The following TRAPPC10 variants were observed in gnomAD, a reference collection of about 807,000 sequenced individuals.
TRAPPC10 encodes TRAPP 130 kDa subunit.
Under a neutral mutation model 125.5 loss-of-function variants are expected in TRAPPC10, and 23 were observed. The observed-to-expected ratio is 0.18, with a 90% confidence interval of 0.13 to 0.26. The LOEUF is 0.26. Ranked by LOEUF, TRAPPC10 falls within the 10% of genes least tolerant of loss-of-function variation. The pLI, the probability that TRAPPC10 is intolerant of heterozygous loss-of-function variation, is 1.00. For missense variants in TRAPPC10, 1,123 were observed against 1,308.4 expected (o/e 0.86, Z 2.19); for synonymous variants, 509 against 518.0 (o/e 0.98, Z 0.24).
At chr21:44,095,004 A>G (rs907705510) in intron 20 of TRAPPC10, among the ~76,000 whole-genome samples, 1 of 149,406 alleles carries the variant, frequency 6.7e-6, no homozygotes, top group Non-Finnish European at 1.5e-5. Flanking sequence ...TAAATAATTT[A>G]ATTAAATCAA....
chr21:44,076,717 T>C, intron 10 of TRAPPC10, 89 bp downstream of exon 10: 4 of 1,158,666 alleles, frequency 3.5e-6, no homozygotes, highest in Non-Finnish European at 5.0e-6. Context: ...GGGAAGGAAC[T>C]GGTGTGGGGG....
At chr21:44,066,379 C>T (rs1271579995) in intron 7 of TRAPPC10, among the ~76,000 whole-genome samples, 1 of 152,204 alleles carries the variant, frequency 6.6e-6, no homozygotes, top group Non-Finnish European at 1.5e-5. Context: ...TAGCCTTGCG[C>T]ACTCCCTTAA....
intron 13 of TRAPPC10, among the ~76,000 whole-genome samples, chr21:44,081,002 G>GTTCTTTTTTTTT (rs1448432253): frequency 1.4e-4 from 12 of 83,718 alleles, no homozygotes; most frequent in Non-Finnish European, 2.5e-4. Context: ...CAATATTATT[G>GTTCTTTTTTTTT]TTCTTTTTTT....
At chr21:44,093,059 A>G (rs992634991) in intron 19 of TRAPPC10, among the ~76,000 whole-genome samples, 4 of 152,182 alleles carry the variant, frequency 2.6e-5, no homozygotes, top group African/African-American at 9.7e-5. Flanking sequence ...GGCCTCCTAA[A>G]GTGTTGGGAT....
intron 7 of TRAPPC10, among the ~76,000 whole-genome samples, chr21:44,067,772 GC>G (rs2036560465): frequency 6.6e-6 from 1 of 152,072 alleles, no homozygotes. Context: ...ATTTGCAGGT[GC>G]CTGATAGGTG....
chr21:44,078,008 T>C (rs2037411662), intron 11 of TRAPPC10, among the ~76,000 whole-genome samples: 1 of 152,184 alleles, frequency 6.6e-6, no homozygotes, highest in Non-Finnish European at 1.5e-5. Flanking sequence ...GAGGTTCTTT[T>C]ATTTAATTAA....
chr21:44,080,071 G>A lies in TRAPPC10; in HGVS notation c.1667G>A (p.Arg556His), dbSNP rs770495289. 52 of 1,613,980 alleles carry A rather than the reference G, an allele frequency of 3.2e-5. No homozygotes were observed. Among genetic ancestry groups the A allele is most frequent in the Non-Finnish European group, 4.2e-5 (50 of 1,180,018 alleles). ...GACCACCACCTCACTGAAGAGGAGC[G>A]CAAGCACTTCTGCCAGGAGATACTT... ...ASDHHLTEEERKHFCQEILDF... is the reference protein window; with the variant it reads ...ASDHHLTEEEHKHFCQEILDF... Residue 556 changes from arginine (R) to histidine (H), a missense_variant, in exon 13 of 23, where the codon CGC (arginine) becomes CAC (histidine). Transcript: ENST00000291574.
intron 2 of TRAPPC10, among the ~76,000 whole-genome samples, chr21:44,034,332 A>ACCCCCCCCCCCCCCC (rs71197877): frequency 9.8e-6 from 1 of 101,552 alleles, no homozygotes; most frequent in Non-Finnish European, 2.1e-5. Context: ...CACTCCCCCA[A>ACCCCCCCCCCCCCCC]CCCCCCCCCC....
rs1193947857 is a variant in TRAPPC10 at position 44,032,100 on chromosome 21, A to G, written c.77A>G (p.Asp26Gly). The G allele has an allele frequency of 3.7e-6, 6 of 1,613,094 alleles. No individual in the cohort carries two copies. The highest frequency in any genetic ancestry group is 4.2e-6 in the Non-Finnish European group (5 of 1,179,624). The change falls in exon 2 of 23, where the codon GAT becomes GGT. Residue 26 changes from aspartate to glycine, a missense_variant. Coordinates refer to ENST00000291574, the MANE Select transcript of TRAPPC10 (RefSeq NM_003274.5). The part of the protein sequence containing the change: ...ENKPIVTCAG[D>G]QNLFTSVYPT... ...TTTCTTCCCTTCATAGGTGCTGGAG[A>G]TCAGAATTTATTTACCTCTGTTTAT...
chr21:44,030,666 C>G (rs1244258281), intron 1 of TRAPPC10, among the ~76,000 whole-genome samples: 1 of 152,066 alleles, frequency 6.6e-6, no homozygotes, highest in Non-Finnish European at 1.5e-5. Flanking sequence ...CAAGGTTTCT[C>G]CATGTTGGTC....
intron 1 of TRAPPC10, among the ~76,000 whole-genome samples, chr21:44,022,604 A>G (rs543638104): frequency 1.3e-5 from 2 of 151,864 alleles, no homozygotes; most frequent in African/African-American, 4.8e-5. Flanking sequence ...GTGAGCCACC[A>G]TGCCTGGGCC....
At chr21:44,038,917 G>A (rs2034195169) in intron 3 of TRAPPC10, among the ~76,000 whole-genome samples, 1 of 152,172 alleles carries the variant, frequency 6.6e-6, no homozygotes, top group African/African-American at 2.4e-5. Context: ...TTCCACCGGG[G>A]AAGCCTCTGC....
chr21:44,040,348 C>CTT (rs200232989), intron 3 of TRAPPC10, among the ~76,000 whole-genome samples: 1 of 146,362 alleles, frequency 6.8e-6, no homozygotes, highest in Non-Finnish European at 1.5e-5. Context: ...TTCTCTCTCT[C>CTT]TTTTTTTTTT....
chr21:44,036,562 C>T (rs1435435388), intron 2 of TRAPPC10, among the ~76,000 whole-genome samples: 1 of 152,180 alleles, frequency 6.6e-6, no homozygotes, highest in East Asian at 1.9e-4. Context: ...CATATGTTCA[C>T]TGCTTGTCAT....
At chr21:44,015,860 C>T (rs956335809) in intron 1 of TRAPPC10, among the ~76,000 whole-genome samples, 3 of 152,054 alleles carry the variant, frequency 2.0e-5, no homozygotes, top group Non-Finnish European at 2.9e-5. Context: ...GTGACCTGCC[C>T]GCCTCGGCCT....
At position 44,059,729 on chromosome 21, in the gene TRAPPC10, G is replaced by A; in HGVS notation, c.790+515G>A. On this transcript the variant is annotated intron_variant, in intron 6 of 22. Coordinates refer to ENST00000291574, the MANE Select transcript of TRAPPC10 (RefSeq NM_003274.5). The surrounding 1 kb of genome is among the most constrained non-coding windows in gnomAD (Gnocchi z 4.4). ...AGAGAAACATTGGTTATTGTCCTCA[G>A]TGTTTTTCGCTGATACTTATTTTGA... The A allele has an allele frequency of 4.2e-6, 2 of 472,268 alleles. No homozygotes were observed. The highest frequency in any genetic ancestry group is 3.9e-4 in the Middle Eastern group (1 of 2,550). 29.3% of individuals were successfully genotyped at this position (472,268 alleles called of 1,614,324 possible).
At chr21:44,065,583 C>G (rs944963294) in intron 7 of TRAPPC10, among the ~76,000 whole-genome samples, 4 of 152,212 alleles carry the variant, frequency 2.6e-5, no homozygotes, top group Non-Finnish European at 1.5e-5. Context: ...CCACTGATGA[C>G]TTTCTCACAG....
intron 1 of TRAPPC10, among the ~76,000 whole-genome samples, chr21:44,030,941 A>G (rs1357236167): frequency 2.6e-5 from 4 of 152,110 alleles, no homozygotes; most frequent in Admixed American, 2.6e-4. Flanking sequence ...TCCTCACCAG[A>G]GCTCCTCTGG....
Position 44,023,029 on chromosome 21 carries a change from T to G in TRAPPC10, c.68-9062T>G, listed in dbSNP as rs2032700475. Among the ~76,000 whole-genome samples, 6 of 133,170 alleles carry G rather than the reference T, an allele frequency of 4.5e-5. No individual in the cohort carries two copies. The South Asian group carries it at 1.6e-3, about 35-fold the overall frequency. The allele number at this position is 133,170 out of a possible 152,430, so 87.4% of individuals were successfully genotyped here. A position where few individuals can be genotyped will look rare whatever the true frequency, so the allele number is the denominator to read the frequency against. On this transcript the variant is annotated intron_variant, in intron 1 of 22. Coordinates refer to ENST00000291574, the MANE Select transcript of TRAPPC10 (RefSeq NM_003274.5). ...GATATTCTCATTTCCCTATGTCTTTTTTTTTTTTTTTTTTTTTTTTTGAGA... is the reference window on the plus strand; with the variant it reads ...GATATTCTCATTTCCCTATGTCTTTGTTTTTTTTTTTTTTTTTTTTTGAGA...
Sources: gnomAD v4.1 joint callset for allele counts (sites outside exome capture counted in the v4.1 genomes callset) on GRCh38, gnomAD v4.1.1 for gene constraint, Gnocchi (gnomAD v3.1) non-coding constraint, MANE v1.5 for transcripts, NCBI Gene and HGNC (gene_info 2026-07-23, HGNC 2026-07-21) for gene names.